The following DNAH17 variants were observed in gnomAD, a reference collection of about 807,000 sequenced individuals.
DNAH17 encodes the protein axonemal beta dynein heavy chain 17.
Under a neutral mutation model 485.6 loss-of-function variants are expected in DNAH17, and 376 were observed. The observed-to-expected ratio is 0.77, with a 90% CI of 0.71 to 0.84. DNAH17 has a LOEUF of 0.84. Among genes scored for constraint, DNAH17 ranks in the 40% least tolerant of loss-of-function variants. DNAH17 has a pLI of 0.00. For synonymous variants in DNAH17, 3,031 were observed against 2,405.9 expected (o/e 1.26, Z -7.60); for missense variants, 6,370 against 5,839.3 (o/e 1.09, Z -2.96).
In DNAH17 at chr17:78,524,989, G is replaced by A. The variant is rs772047645; in HGVS notation, c.3864+20C>T. 3.3e-5 allele frequency: 53 copies of A among 1,589,624 alleles called. No homozygotes were observed. Among genetic ancestry groups the A allele is most frequent in the Non-Finnish European group, 4.0e-5 (46 of 1,161,652 alleles). ...CTGCAGAATCCCGGGCCCCACCCAC[G>A]CGGCGTGCCCTGCACTCACCACAAC... On this transcript the variant is annotated intron_variant, in intron 25 of 80. Coordinates refer to ENST00000389840, the MANE Select transcript of DNAH17 (RefSeq NM_173628.4).
At chr17:78,551,514 T>C (rs754355758) in intron 16 of DNAH17, 21 bp downstream of exon 16, 3 of 1,611,226 alleles carry the variant, frequency 1.9e-6, no homozygotes, top group Non-Finnish European at 2.5e-6. Context: ...AGCCCCACTC[T>C]GTGCTCTGCC....
chr17:78,432,444 T>A (rs1023529111), intron 75 of DNAH17, among the ~76,000 whole-genome samples: 1 of 152,224 alleles, frequency 6.6e-6, no homozygotes, highest in African/African-American at 2.4e-5. Flanking sequence ...GGTGGCCCAT[T>A]GCCAGGGAGC....
chr17:78,530,135 C>G lies in DNAH17; in HGVS notation c.3284+208G>C, dbSNP rs118069198. On this transcript the variant is annotated intron_variant, in intron 21 of 80. Transcript: ENST00000389840. ...CCGGACAGAGCAGGTGCTCGGTACA[C>G]CGGGTTTGGAGAAGGGATAATGTTT... is the stretch of plus-strand genomic sequence containing the variant. Among the ~76,000 whole-genome samples, 12 of 152,358 alleles carry G rather than the reference C, an allele frequency of 7.9e-5. No homozygotes were observed. In the East Asian group the frequency reaches 2.3e-3, roughly 29 times the overall value.
At chr17:78,511,737 A>C (rs556406095) in intron 26 of DNAH17, among the ~76,000 whole-genome samples, 2 of 152,336 alleles carry the variant, frequency 1.3e-5, no homozygotes, top group South Asian at 4.1e-4. Flanking sequence ...TTGCATCTCT[A>C]ATCACATTTG....
chr17:78,494,883 C>T (rs1378576354), intron 39 of DNAH17, 63 bp from the exon 40 acceptor site: 33 of 1,574,068 alleles, frequency 2.1e-5, no homozygotes, highest in African/African-American at 2.7e-5. Flanking sequence ...GCAGGCAGGT[C>T]TGGAAGCCAA....
chr17:78,544,180 C>T (rs868204594), intron 16 of DNAH17, among the ~76,000 whole-genome samples, 183 bp from the exon 17 acceptor site: 1 of 152,166 alleles, frequency 6.6e-6, no homozygotes, highest in African/African-American at 2.4e-5. Context: ...TGACTGTTGA[C>T]CAGAGAACCT....
In DNAH17 at chr17:78,544,004, G is replaced by A. The variant is rs114331033; in HGVS notation, c.2392-7C>T. The A allele has an allele frequency of 5.7e-4, 927 of 1,613,988 alleles. 7 individuals are homozygous for A. In the African/African-American group the frequency reaches 9.6e-3, roughly 17 times the overall value. ...GCGGGTTGGCCGACCAGTCCTGGAAGGAAAGCACAGGAGTGAGAAAAGGTG... is the reference window on the plus strand; with the variant it reads ...GCGGGTTGGCCGACCAGTCCTGGAAAGAAAGCACAGGAGTGAGAAAAGGTG... On this transcript the variant is annotated splice_region_variant and splice_polypyrimidine_tract_variant and intron_variant, in intron 16 of 80. Coordinates refer to ENST00000389840, the MANE Select transcript of DNAH17 (RefSeq NM_173628.4).
chr17:78,519,495 A>G (rs911681687), intron 25 of DNAH17, among the ~76,000 whole-genome samples: 1 of 152,234 alleles, frequency 6.6e-6, no homozygotes, highest in African/African-American at 2.4e-5. Flanking sequence ...AAGTTAAACA[A>G]AAATCTTTTT....
chr17:78,529,343 G>A, intron 22 of DNAH17, 129 bp downstream of exon 22: 2 of 905,426 alleles, frequency 2.2e-6, no homozygotes, highest in East Asian at 2.5e-5. Flanking sequence ...GTTCCATGGG[G>A]ATCTGATGTC....
At chr17:78,562,058 C>T (rs1598733425) in intron 11 of DNAH17, 78 bp from the exon 12 acceptor site, 3 of 1,475,950 alleles carry the variant, frequency 2.0e-6, no homozygotes, top group Non-Finnish European at 2.7e-6. Flanking sequence ...ACAAAACGGG[C>T]AGGGCCAATC....
At chr17:78,501,907 G>T in intron 33 of DNAH17, 34 bp from the exon 34 acceptor site, 1 of 1,612,414 alleles carries the variant, frequency 6.2e-7, no homozygotes. Flanking sequence ...GAGACACCAC[G>T]GGTGCCCACA....
chr17:78,472,801 G>C, intron 54 of DNAH17: 1 of 450,930 alleles, frequency 2.2e-6, no homozygotes, highest in Non-Finnish European at 4.5e-6. Context: ...TTCAGCCTTT[G>C]TGGGGTCACA....
At position 78,425,469 on chromosome 17, in the gene DNAH17, C is replaced by T. The variant is rs1462437877; in HGVS notation, c.13018G>A (p.Ala4340Thr). 1.2e-6 allele frequency: 2 copies of T among 1,613,946 alleles called. No homozygotes were observed. Among genetic ancestry groups the T allele is most frequent in the Non-Finnish European group, 1.7e-6 (2 of 1,179,912 alleles). ...TCCAGGGGCCACTCGTTCTTCCTGGCCATGGACTGCATGATGGCCGTGAGG... is the reference window on the plus strand; with the variant it reads ...TCCAGGGGCCACTCGTTCTTCCTGGTCATGGACTGCATGATGGCCGTGAGG... ...SFLTAIMQSMARKNEWPLDKM... is the reference protein window; with the variant it reads ...SFLTAIMQSMTRKNEWPLDKM... Residue 4340 changes from alanine to threonine, a missense_variant, in exon 80 of 81, where the codon GCC (alanine) becomes ACC (threonine). Transcript: ENST00000389840.
chr17:78,470,298 C>T (rs941280717), intron 54 of DNAH17, among the ~76,000 whole-genome samples: 1 of 150,642 alleles, frequency 6.6e-6, no homozygotes, highest in African/African-American at 2.4e-5. Flanking sequence ...GAACTCCGGA[C>T]CTCAAGTGAT....
intron 20 of DNAH17, 51 bp downstream of exon 20, chr17:78,532,431 T>TC: frequency 1.3e-6 from 2 of 1,554,346 alleles, no homozygotes; most frequent in Non-Finnish European, 1.7e-6. Flanking sequence ...GGTGATCCTC[T>TC]CCTGGAAGAC....
At chr17:78,503,415 G>A (rs1426973187) in intron 31 of DNAH17, among the ~76,000 whole-genome samples, 7 of 147,892 alleles carry the variant, frequency 4.7e-5, no homozygotes, top group African/African-American at 1.8e-4. Context: ...TCGATCTCCT[G>A]ACCTCATGAT....
At chr17:78,514,700 G>A (rs1004280894) in intron 26 of DNAH17, 74 bp downstream of exon 26, 1 of 1,543,682 alleles carries the variant, frequency 6.5e-7, no homozygotes, top group East Asian at 2.4e-5. Flanking sequence ...TGGCTAGGCA[G>A]CTCAGGCCAG....
chr17:78,429,104 T>G lies in DNAH17; in HGVS notation c.12405+17A>C. 6.2e-7 allele frequency: 1 copy of G among 1,608,014 alleles called. No individual in the cohort carries two copies. The highest frequency in any genetic ancestry group is 8.5e-7 in the Non-Finnish European group (1 of 1,175,404). The stretch of plus-strand genomic sequence containing the variant: ...GCCTTCATTACGTTGAGCTCCTGTT[T>G]AACTTGTCATCCTTACCTTGTAGTC... On this transcript the variant is annotated intron_variant, in intron 76 of 80. Transcript: ENST00000389840.
intron 51 of DNAH17, 48 bp downstream of exon 51, chr17:78,478,977 G>C (rs764283638): frequency 6.5e-7 from 1 of 1,529,930 alleles, no homozygotes; most frequent in South Asian, 1.1e-5. Flanking sequence ...CTGTGGATCA[G>C]GCACTGGACC....
Sources: gnomAD v4.1 joint callset for allele counts (sites outside exome capture counted in the v4.1 genomes callset) on GRCh38, gnomAD v4.1.1 for gene constraint, MANE v1.5 for transcripts, NCBI Gene and HGNC (gene_info 2026-07-23, HGNC 2026-07-21) for gene names.